COA1: variants seen among roughly 807,000 people sequenced by gnomAD.
The protein encoded by COA1 is cytochrome c oxidase assembly factor 1.
COA1 carries 13 observed loss-of-function variants against 16.0 expected under a neutral mutation model. The observed-to-expected ratio is 0.81, with a 90% confidence interval of 0.53 to 1.29. The LOEUF (loss-of-function observed/expected upper bound fraction) is 1.29, where lower values mean the gene tolerates loss of function less well. COA1 is among the 50% of genes most tolerant of loss of function. The pLI is 0.00. For missense variants in COA1, 179 were observed against 177.0 expected, an observed-to-expected ratio of 1.01 and a Z score of -0.06; for synonymous variants, 65 against 65.7, an observed-to-expected ratio of 0.99 and a Z score of 0.05.
rs1479637099 is a variant in COA1 at position 43,691,410 on chromosome 7, AGG to A, written c.-39+38017_-39+38018del. Among the ~76,000 whole-genome samples the A allele has an allele frequency of 4.9e-4, 59 of 120,852 alleles. 1 individual carries two copies. Among genetic ancestry groups the A allele is most frequent in the African/African-American group, 7.3e-4 (23 of 31,360 alleles). The allele number at this position is 120,852 out of a possible 152,430, so 79.3% of individuals were successfully genotyped here. A position where few individuals can be genotyped will look rare whatever the true frequency, so the allele number is the denominator to read the frequency against. The stretch of plus-strand genomic sequence containing the variant: ...AAGGAAGGAAGGAAGGAAGGAAGGA[AGG>A]AAGAAAGAAAAAGAAAGAAAGAAAG... On this transcript the variant is annotated intron_variant, in intron 1 of 5. Coordinates refer to ENST00000223336, the MANE Select transcript of COA1 (RefSeq NM_018224.4).
intron 1 of COA1, among the ~76,000 whole-genome samples, chr7:43,707,307 T>G (rs1327014598): frequency 6.6e-6 from 1 of 152,212 alleles, no homozygotes; most frequent in Non-Finnish European, 1.5e-5. Flanking sequence ...ACAAATTAGA[T>G]GGAGGAGGAG....
chr7:43,637,551 T>TCAC (rs1161904239), downstream of COA1, among the ~76,000 whole-genome samples: 2 of 152,046 alleles, frequency 1.3e-5, no homozygotes, highest in Non-Finnish European at 2.9e-5. Context: ...GATGGCTGAG[T>TCAC]CACAGTGATG....
At chr7:43,689,841 T>G (rs1404374226) in intron 1 of COA1, among the ~76,000 whole-genome samples, 1 of 152,182 alleles carries the variant, frequency 6.6e-6, no homozygotes, top group East Asian at 1.9e-4. Flanking sequence ...ATGTAGACTA[T>G]GATAAGCTTA....
At chr7:43,709,148 C>T (rs889733540) in intron 1 of COA1, among the ~76,000 whole-genome samples, 27 of 151,926 alleles carry the variant, frequency 1.8e-4, no homozygotes, top group East Asian at 5.8e-4. Context: ...CTCAGCCTAC[C>T]GAGTAGCTGG....
At chr7:43,653,833 T>C (rs2091290917) in intron 1 of COA1, among the ~76,000 whole-genome samples, 1 of 151,986 alleles carries the variant, frequency 6.6e-6, no homozygotes, top group African/African-American at 2.4e-5. Flanking sequence ...CCTGTGCCAA[T>C]GGGAAGGATT....
At chr7:43,631,128 T>C (rs574919958) in intron 6 of COA1, 1 of 152,290 alleles carries the variant, frequency 6.6e-6, no homozygotes, top group East Asian at 1.9e-4. Context: ...GTCTATAGGG[T>C]AGACTCATTC....
chr7:43,691,285 G>GAAAGA (rs2094295584), intron 1 of COA1, among the ~76,000 whole-genome samples: 1 of 40,958 alleles, frequency 2.4e-5, no homozygotes, highest in African/African-American at 8.2e-5. Flanking sequence ...AAGAAAGAAA[G>GAAAGA]AAAGAAAGAA....
At chr7:43,627,150 T>C (rs1488314339) in intron 6 of COA1, among the ~76,000 whole-genome samples, 2 of 152,252 alleles carry the variant, frequency 1.3e-5, no homozygotes, top group Non-Finnish European at 2.9e-5. Context: ...TATTTTGGTG[T>C]GGTGAAACGT....
chr7:43,631,136 T>C (rs2085136369), intron 6 of COA1: 1 of 152,194 alleles, frequency 6.6e-6, no homozygotes, highest in South Asian at 2.1e-4. Context: ...GGTAGACTCA[T>C]TCAACAAATT....
At chr7:43,611,495 G>A (rs1266163318) in intron 6 of COA1, among the ~76,000 whole-genome samples, 1 of 152,178 alleles carries the variant, frequency 6.6e-6, no homozygotes, top group Non-Finnish European at 1.5e-5. Context: ...TGTTAATGCT[G>A]AAGGTTACCT....
chr7:43,621,156 T>C lies in COA1; in HGVS notation c.*134-11661A>G, dbSNP rs547771860. ...AGTTCAAAAAATAATTCAGAGATTT[T>C]TTAAAAGATCCTTAGTTAATTAGAT... is the stretch of plus-strand genomic sequence containing the variant. On this transcript the variant is annotated intron_variant and NMD_transcript_variant, in intron 6 of 6. Coordinates refer to the COA1 transcript ENST00000415076. 9.2e-5 allele frequency among the ~76,000 whole-genome samples: 14 copies of C among 152,348 alleles called. No individual in the cohort carries two copies. In the South Asian group the frequency reaches 2.5e-3, roughly 27 times the overall value.
At chr7:43,651,614 C>T (rs2153110473) in intron 1 of COA1, among the ~76,000 whole-genome samples, 1 of 150,778 alleles carries the variant, frequency 6.6e-6, no homozygotes, top group East Asian at 2.0e-4. Context: ...AGACAGGATC[C>T]CACAAGGCAA....
chr7:43,725,100 T>C (rs1271511045), intron 1 of COA1, among the ~76,000 whole-genome samples: 1 of 152,048 alleles, frequency 6.6e-6, no homozygotes, highest in East Asian at 1.9e-4. Context: ...TAGCTAGGTG[T>C]GGTGGCGCAT....
chr7:43,716,954 G>A (rs1162765940), intron 1 of COA1, among the ~76,000 whole-genome samples: 1 of 152,202 alleles, frequency 6.6e-6, no homozygotes, highest in Non-Finnish European at 1.5e-5. Context: ...ACATGGTGGT[G>A]AGTCTACAGG....
At chr7:43,726,018 C>A (rs1470030419) in intron 1 of COA1, among the ~76,000 whole-genome samples, 1 of 152,026 alleles carries the variant, frequency 6.6e-6, no homozygotes, top group South Asian at 2.1e-4. Context: ...CACTCAACCT[C>A]TGCATACATT....
chr7:43,688,454 T>C (rs1357056305), intron 1 of COA1, among the ~76,000 whole-genome samples: 1 of 152,226 alleles, frequency 6.6e-6, no homozygotes, highest in Non-Finnish European at 1.5e-5. Context: ...TTGTTTCTTC[T>C]GTATTCCATA....
chr7:43,615,773 G>A (rs1435942060), intron 6 of COA1, among the ~76,000 whole-genome samples: 3 of 152,032 alleles, frequency 2.0e-5, no homozygotes, highest in South Asian at 2.1e-4. Flanking sequence ...ACAGCAGTAC[G>A]GCCTCTATAC....
At chr7:43,640,050 G>A (rs1370853909) in intron 5 of COA1, among the ~76,000 whole-genome samples, 1 of 152,166 alleles carries the variant, frequency 6.6e-6, no homozygotes, top group Non-Finnish European at 1.5e-5. Flanking sequence ...GAGCTAGGTG[G>A]GGCCTCCTGC....
intron 1 of COA1, among the ~76,000 whole-genome samples, chr7:43,666,678 A>C (rs2092914389): frequency 6.6e-6 from 1 of 152,196 alleles, no homozygotes; most frequent in Non-Finnish European, 1.5e-5. Context: ...AGGTTTGCTA[A>C]ACATTCCAAG....
Sources: gnomAD v4.1 joint callset for allele counts (sites outside exome capture counted in the v4.1 genomes callset) on GRCh38, gnomAD v4.1.1 for gene constraint, MANE v1.5 for transcripts, NCBI Gene and HGNC (gene_info 2026-07-23, HGNC 2026-07-21) for gene names.